The following CDC14B variants were observed in gnomAD, a reference collection of about 807,000 sequenced individuals.
CDC14B encodes dual specificity protein phosphatase CDC14B.
A neutral mutation model predicts 64.2 loss-of-function variants in CDC14B; 22 were observed. That is an observed-to-expected ratio of 0.34 (90% CI 0.24 to 0.49). The LOEUF (loss-of-function observed/expected upper bound fraction) is 0.49, where lower values mean the gene tolerates loss of function less well. CDC14B is among the 20% of genes least tolerant of loss of function. The probability of loss-of-function intolerance (pLI) is 0.99; values close to 1 mark genes in which losing one functional copy is unlikely to be tolerated. For synonymous variants in CDC14B, 191 were observed against 215.8 expected (o/e 0.89, Z 1.01); for missense variants, 498 against 629.9 (o/e 0.79, Z 2.24).
intron 1 of CDC14B, among the ~76,000 whole-genome samples, chr9:96,618,263 G>A (rs1847762466): frequency 6.6e-6 from 1 of 152,086 alleles, no homozygotes. Flanking sequence ...ATAACGCCAC[G>A]CACCGAGGTT....
At chr9:96,609,360 A>G (rs1847168427) in intron 1 of CDC14B, among the ~76,000 whole-genome samples, 1 of 152,222 alleles carries the variant, frequency 6.6e-6, no homozygotes, top group South Asian at 2.1e-4. Context: ...GAGCAAAACT[A>G]CATAATGACT....
At chr9:96,566,884 G>C in intron 1 of CDC14B, 1 of 1,562,886 alleles carries the variant, frequency 6.4e-7, no homozygotes, top group Non-Finnish European at 8.7e-7. Context: ...GAGGCGCCGC[G>C]ACCACACCCC....
chr9:96,574,586 T>C (rs1169777350), intron 1 of CDC14B, among the ~76,000 whole-genome samples: 2 of 151,046 alleles, frequency 1.3e-5, no homozygotes, highest in African/African-American at 4.9e-5. Context: ...AAGCAAAAGA[T>C]TGAGAAACTT....
intron 7 of CDC14B, among the ~76,000 whole-genome samples, chr9:96,536,874 G>A (rs745512703): frequency 2.6e-5 from 4 of 152,034 alleles, no homozygotes; most frequent in African/African-American, 9.7e-5. Flanking sequence ...CTATTTGGAG[G>A]ATAAAGCTGT....
chr9:96,512,972 G>C (rs1835126594), intron 12 of CDC14B, among the ~76,000 whole-genome samples: 1 of 152,256 alleles, frequency 6.6e-6, no homozygotes, highest in East Asian at 1.9e-4. Flanking sequence ...TACACTGCCT[G>C]CTTAGGAAAT....
At chr9:96,601,920 A>C (rs143245467) in intron 1 of CDC14B, among the ~76,000 whole-genome samples, 1 of 149,900 alleles carries the variant, frequency 6.7e-6, no homozygotes, top group African/African-American at 2.5e-5. Flanking sequence ...TTAGCTGGGC[A>C]TGGTGGTGGG....
intron 4 of CDC14B, among the ~76,000 whole-genome samples, chr9:96,558,561 T>A (rs1842777165): frequency 6.6e-6 from 1 of 152,240 alleles, no homozygotes. Flanking sequence ...AAAGATTTTT[T>A]AAATTTCTCA....
chr9:96,600,799 G>A (rs1440292178), intron 1 of CDC14B, among the ~76,000 whole-genome samples: 1 of 152,080 alleles, frequency 6.6e-6, no homozygotes, highest in Non-Finnish European at 1.5e-5. Flanking sequence ...CACCGCACCC[G>A]GCCTAGCGTT....
At chr9:96,548,368 A>G (rs1018078609) in intron 5 of CDC14B, among the ~76,000 whole-genome samples, 4 of 152,236 alleles carry the variant, frequency 2.6e-5, no homozygotes, top group Admixed American at 6.5e-5. Context: ...CACACTGTTC[A>G]TAACAATGAT....
chr9:96,545,081 T>C, intron 5 of CDC14B, among the ~76,000 whole-genome samples: 1 of 152,124 alleles, frequency 6.6e-6, no homozygotes, highest in East Asian at 1.9e-4. Flanking sequence ...TCTTAACAGG[T>C]CCTCTAGTTG....
intron 7 of CDC14B, among the ~76,000 whole-genome samples, chr9:96,537,463 C>T (rs1839436767): frequency 6.6e-6 from 1 of 152,134 alleles, no homozygotes; most frequent in Non-Finnish European, 1.5e-5. Context: ...CAGGCTGGTG[C>T]AGAGATGGGC....
chr9:96,611,117 G>T lies in CDC14B; in HGVS notation c.160+8102C>A, dbSNP rs1159754764. Among the ~76,000 whole-genome samples the T allele has an allele frequency of 2.6e-5, 4 of 151,318 alleles. No homozygotes were observed. In the East Asian group the frequency reaches 5.8e-4, roughly 22 times the overall value. On this transcript the variant is annotated intron_variant, in intron 1 of 13. Coordinates refer to ENST00000375241, the MANE Select transcript of CDC14B (RefSeq NM_033331.4). ...AAAAAAAAAAAAGAGAGAGAGAAAA[G>T]GGCGTAAAACTTTCATATAAACTAG...
At chr9:96,529,469 T>A (rs1346265529) in intron 9 of CDC14B, among the ~76,000 whole-genome samples, 4 of 151,676 alleles carry the variant, frequency 2.6e-5, no homozygotes, top group South Asian at 2.1e-4. Flanking sequence ...CAATCTTGAT[T>A]GATGTAGCTT....
intron 5 of CDC14B, among the ~76,000 whole-genome samples, chr9:96,547,259 G>T (rs1010931598): frequency 6.6e-6 from 1 of 151,806 alleles, no homozygotes; most frequent in African/African-American, 2.4e-5. Flanking sequence ...GAGGTCGGGA[G>T]TTCAAGACCA....
intron 1 of CDC14B, among the ~76,000 whole-genome samples, chr9:96,617,310 T>C (rs547998236): frequency 6.6e-5 from 10 of 152,046 alleles, no homozygotes; most frequent in Admixed American, 5.9e-4. Flanking sequence ...TAGCCACATA[T>C]TTCATCTCCA....
chr9:96,564,392 T>C (rs868406119), intron 3 of CDC14B, among the ~76,000 whole-genome samples: 7 of 152,186 alleles, frequency 4.6e-5, no homozygotes, highest in South Asian at 2.1e-4. Flanking sequence ...TTCTTGTTAG[T>C]TTGCTATCAC....
chr9:96,522,858 T>A (rs1704427515), intron 11 of CDC14B, among the ~76,000 whole-genome samples: 1 of 152,184 alleles, frequency 6.6e-6, no homozygotes, highest in African/African-American at 2.4e-5. Flanking sequence ...TTGAAAACGC[T>A]CTTTTTAAAA....
chr9:96,538,488 G>C (rs1360632653), intron 7 of CDC14B: 9 of 152,360 alleles, frequency 5.9e-5, no homozygotes, highest in Admixed American at 5.9e-4. Context: ...GGGAGGCCAA[G>C]GTGGGAGAAG....
intron 9 of CDC14B, among the ~76,000 whole-genome samples, chr9:96,528,924 G>A (rs1838002341): frequency 6.6e-6 from 1 of 152,204 alleles, no homozygotes; most frequent in Non-Finnish European, 1.5e-5. Flanking sequence ...GTGTATTCAA[G>A]TCCTCTTCCC....
Sources: allele counts gnomAD v4.1 joint callset (sites outside exome capture counted in the v4.1 genomes callset), GRCh38; gene constraint gnomAD v4.1.1; transcripts MANE v1.5; gene names NCBI Gene and HGNC (gene_info 2026-07-23, HGNC 2026-07-21).